Variants in KATNAL2 observed in about 807,000 individuals in gnomAD.
The protein encoded by KATNAL2 is katanin p60 ATPase-containing subunit A-like 2.
A neutral mutation model predicts 76.3 loss-of-function variants in KATNAL2; 52 were observed. That is an observed-to-expected ratio of 0.68 (90% CI 0.55 to 0.86). KATNAL2 has a LOEUF of 0.86. KATNAL2 is among the 40% of genes least tolerant of loss of function. The probability of loss-of-function intolerance (pLI) is 0.00; values close to 1 mark genes in which losing one functional copy is unlikely to be tolerated. For synonymous variants in KATNAL2, 243 were observed against 244.2 expected (o/e 1.00, Z 0.05); for missense variants, 660 against 668.9 (o/e 0.99, Z 0.15).
At chr18:47,058,947 A>G (rs1166663996) in intron 7 of KATNAL2, among the ~76,000 whole-genome samples, 3 of 152,180 alleles carry the variant, frequency 2.0e-5, no homozygotes, top group Admixed American at 1.3e-4. Context: ...CAGGAGGCTC[A>G]TGTCCAGAAC....
In KATNAL2 at chr18:47,099,223, C is replaced by A; in HGVS notation, c.1212-20C>A. On this transcript the variant is annotated intron_variant, in intron 15 of 17. Coordinates refer to ENST00000683218, the MANE Select transcript of KATNAL2 (RefSeq NM_001387690.1). ...GTGTGTTTGCAGCCCTGTCCAGCTC[C>A]ATTTCTGGTGTGATTTCAGGGAGCT... 8 of 1,596,372 alleles carry A rather than the reference C, an allele frequency of 5.0e-6. No individual in the cohort carries two copies. The highest frequency in any genetic ancestry group is 6.8e-6 in the Non-Finnish European group (8 of 1,169,112).
chr18:47,073,507 C>T (rs1356746710), intron 13 of KATNAL2, among the ~76,000 whole-genome samples: 1 of 152,214 alleles, frequency 6.6e-6, no homozygotes, highest in Non-Finnish European at 1.5e-5. Flanking sequence ...GTCATGCTGT[C>T]AGGCTCCTTA....
chr18:47,080,265 T>A (rs1243611610), intron 15 of KATNAL2, among the ~76,000 whole-genome samples: 1 of 152,178 alleles, frequency 6.6e-6, no homozygotes, highest in East Asian at 1.9e-4. Context: ...GCTCATGACT[T>A]GTTTGGTACA....
chr18:47,052,952 C>T lies in KATNAL2; in HGVS notation c.195C>T (p.Asn65=). ...LGLRRFEVCD[N]IDLETILMEY... is the part of the protein sequence containing the mutation. ...TACGACGGTTTGAAGTTTGTGACAACATTGATCTTGAAACTATTTTGATGG... is the reference window on the plus strand; with the variant it reads ...TACGACGGTTTGAAGTTTGTGACAATATTGATCTTGAAACTATTTTGATGG... The change falls in exon 5 of 18, where the codon AAC becomes AAT. Residue 65 remains asparagine (N), a synonymous_variant. Transcript: ENST00000683218. 1 of 1,611,670 alleles carries T rather than the reference C, an allele frequency of 6.2e-7. No individual in the cohort carries two copies. Among genetic ancestry groups the T allele is most frequent in the African/African-American group, 1.3e-5 (1 of 74,980 alleles).
chr18:46,957,638 C>T (rs1384955576), intron 3 of KATNAL2, among the ~76,000 whole-genome samples: 1 of 139,966 alleles, frequency 7.1e-6, no homozygotes, highest in Non-Finnish European at 1.5e-5. Context: ...TCTCGGCTCA[C>T]TGAAACCTCT....
chr18:46,929,768 A>C (rs1474896603), intron 1 of KATNAL2, among the ~76,000 whole-genome samples: 4 of 152,000 alleles, frequency 2.6e-5, no homozygotes, highest in African/African-American at 9.7e-5. Flanking sequence ...AGTATGTTTA[A>C]ATTTTTTATT....
chr18:47,039,149 C>G (rs1166926573), intron 3 of KATNAL2, among the ~76,000 whole-genome samples: 1 of 152,134 alleles, frequency 6.6e-6, no homozygotes, highest in Non-Finnish European at 1.5e-5. Context: ...TTTTATATAT[C>G]AAGCCACAAT....
At chr18:47,060,788 C>T (rs1002838563) in intron 8 of KATNAL2, among the ~76,000 whole-genome samples, 1 of 152,190 alleles carries the variant, frequency 6.6e-6, no homozygotes, top group African/African-American at 2.4e-5. Context: ...CTTTAAGGGC[C>T]TCACTTACAT....
chr18:47,038,007 G>A (rs1373350746), intron 3 of KATNAL2, among the ~76,000 whole-genome samples: 3 of 152,034 alleles, frequency 2.0e-5, no homozygotes, highest in Admixed American at 6.6e-5. Context: ...TTTTGATGCA[G>A]CCTCATTACC....
At chr18:46,921,081 G>A (rs574758741) in intron 1 of KATNAL2, among the ~76,000 whole-genome samples, 8 of 152,174 alleles carry the variant, frequency 5.3e-5, no homozygotes, top group Non-Finnish European at 1.2e-4. Context: ...TTCATTATAA[G>A]TACTGTGATT....
rs979542237 is a variant in KATNAL2 at position 47,046,460 on chromosome 18, G to A, written c.55G>A (p.Glu19Lys). 15 of 1,535,230 alleles carry A rather than the reference G, an allele frequency of 9.8e-6. No homozygotes were observed. Among genetic ancestry groups the A allele is most frequent in the African/African-American group, 2.7e-5 (2 of 73,000 alleles). The stretch of plus-strand genomic sequence containing the variant: ...CCTAAATTTTCCTCTGTTCCAGTGC[G>A]AGATGAGGACAGAAGCACGACGAAA... ...KFTHQAREAC[E>K]MRTEARRKNL... Residue 19 changes from glutamate to lysine, a missense_variant, in exon 4 of 18, where the codon GAG (glutamate) becomes AAG (lysine). Transcript: ENST00000683218.
At position 47,066,846 on chromosome 18, in the gene KATNAL2, T is replaced by TA. The variant is rs746487725; in HGVS notation, c.727-175_727-174insA. Reference sequence around the variant, plus strand: ...CCCAAAATTACAATGTATATATGTGTTTATATATATATATATATATATATA... The same window carrying TA: ...CCCAAAATTACAATGTATATATGTGTATTATATATATATATATATATATATA... On this transcript the variant is annotated intron_variant, in intron 10 of 17. Transcript: ENST00000683218. 3.1e-4 allele frequency among the ~76,000 whole-genome samples: 19 copies of TA among 61,616 alleles called. 1 individual carries two copies. The East Asian group carries it at 3.1e-3, about 10-fold the overall frequency. 40.4% of individuals were successfully genotyped at this position (61,616 alleles called of 152,430 possible). A position where few individuals can be genotyped will look rare whatever the true frequency, so the allele number is the denominator to read the frequency against.
At chr18:47,061,433 C>G (rs1599712862) in intron 8 of KATNAL2, among the ~76,000 whole-genome samples, 1 of 152,288 alleles carries the variant, frequency 6.6e-6, no homozygotes, top group East Asian at 1.9e-4. Flanking sequence ...TGAGAACTCA[C>G]TCATTACAGT....
At chr18:47,083,259 G>A (rs553175474) in intron 15 of KATNAL2, among the ~76,000 whole-genome samples, 2 of 152,328 alleles carry the variant, frequency 1.3e-5, no homozygotes, top group Non-Finnish European at 1.5e-5. Context: ...TAGCAAGAAT[G>A]TGGGAACAGA....
At position 47,100,994 on chromosome 18, in the gene KATNAL2, G is replaced by A. The variant is rs762261015; in HGVS notation, c.1606G>A (p.Glu536Lys). 1 of 1,613,912 alleles carries A rather than the reference G, an allele frequency of 6.2e-7. No individual in the cohort carries two copies. Among genetic ancestry groups the A allele is most frequent in the Non-Finnish European group, 8.5e-7 (1 of 1,179,996 alleles). The change falls in exon 18 of 18, where the codon GAG becomes AAG. Residue 536 changes from glutamate (E) to lysine (K), a missense_variant. Physicochemically the swap from Glu to Lys is moderately conservative, Grantham distance 56. Coordinates refer to ENST00000683218, the MANE Select transcript of KATNAL2 (RefSeq NM_001387690.1). ...QRYSDWQREF[E>K]SV ...ATACTCAGACTGGCAAAGAGAGTTC[G>A]AGTCTGTCTGAAACCACATTTACCC...
chr18:47,058,690 A>T (rs551857913), intron 7 of KATNAL2, among the ~76,000 whole-genome samples: 1 of 152,310 alleles, frequency 6.6e-6, no homozygotes, highest in Non-Finnish European at 1.5e-5. Flanking sequence ...CTATTACCTG[A>T]GGTAACTGAG....
intron 17 of KATNAL2, among the ~76,000 whole-genome samples, chr18:47,100,662 A>AT (rs773460968): frequency 2.0e-5 from 3 of 152,186 alleles, no homozygotes; most frequent in South Asian, 2.1e-4. Context: ...TTTAGGTCAC[A>AT]TTTTTTTGTC....
At chr18:46,957,037 CAA>C (rs71264809) in intron 3 of KATNAL2, among the ~76,000 whole-genome samples, 9 of 104,868 alleles carry the variant, frequency 8.6e-5, no homozygotes, top group African/African-American at 7.4e-5. Flanking sequence ...AACTCCGTCT[CAA>C]AAAAAAAAAA....
Position 46,946,040 on chromosome 18 carries a change from C to CTTT in KATNAL2, c.-509-7_-509-5dup. 2.2e-5 allele frequency: 5 copies of CTTT among 229,858 alleles called. No individual in the cohort carries two copies. The highest frequency in any genetic ancestry group is 2.8e-5 in the Non-Finnish European group (4 of 143,168). 14.2% of individuals were successfully genotyped at this position (229,858 alleles called of 1,614,324 possible). Reference sequence around the variant, plus strand: ...TGATTCAGTTCAACACTTACGAGAACTTTTTTTTTTTTGTAGATTGAGGAA... The same window carrying CTTT: ...TGATTCAGTTCAACACTTACGAGAACTTTTTTTTTTTTTTTGTAGATTGAGGAA... On this transcript the variant is annotated splice_polypyrimidine_tract_variant and intron_variant, in intron 1 of 17. Coordinates refer to ENST00000683218, the MANE Select transcript of KATNAL2 (RefSeq NM_001387690.1).
Sources: allele counts gnomAD v4.1 joint callset (sites outside exome capture counted in the v4.1 genomes callset), GRCh38; gene constraint gnomAD v4.1.1; transcripts MANE v1.5; gene names NCBI Gene and HGNC (gene_info 2026-07-23, HGNC 2026-07-21).